ZNF554: variants seen among roughly 807,000 people sequenced by gnomAD.
The protein encoded by ZNF554 is zinc finger protein 554.
In ZNF554, 15 loss-of-function variants were observed where a neutral mutation model predicts 21.2. The ratio of observed to expected loss-of-function variants is 0.71; its 90% CI spans 0.47 to 1.09. The LOEUF is 1.09. Ranked by LOEUF, ZNF554 falls within the 50% of genes least tolerant of loss-of-function variation. The pLI, the probability that ZNF554 is intolerant of heterozygous loss-of-function variation, is 0.00. For synonymous variants in ZNF554, 258 were observed against 251.4 expected (o/e 1.03, Z -0.25); for missense variants, 691 against 662.7 (o/e 1.04, Z -0.47).
Position 2,821,372 on chromosome 19 carries a change from G to A in ZNF554, c.53+1248G>A, listed in dbSNP as rs982810685. 2.0e-5 allele frequency among the ~76,000 whole-genome samples: 3 copies of A among 151,900 alleles called. No individual in the cohort carries two copies. The highest frequency in any genetic ancestry group is 6.5e-5 in the Admixed American group (1 of 15,278). On this transcript the variant is annotated intron_variant, in intron 1 of 4. Transcript: ENST00000317243. The surrounding 1 kb of genome is among the most constrained non-coding windows in gnomAD (Gnocchi z 8.2). ...TCCCAAAGTGACCACTGCGCCCGGC[G>A]CCTTTGGTTCTTACATGAGCCTCCT...
chr19:2,834,138 T>G lies in ZNF554; in HGVS notation c.903T>G (p.Asn301Lys), dbSNP rs780273939. The change falls in exon 5 of 5, where the codon AAT becomes AAG. Residue 301 changes from asparagine (N) to lysine (K), a missense_variant. Transcript: ENST00000317243. ...HGGKMFVYLE[N>K]GQSLNHGMAL... ...GGAAGATGTTTGTGTATTTGGAAAA[T>G]GGGCAGTCATTGAACCACGGTATGG... 1.9e-5 allele frequency: 31 copies of G among 1,613,886 alleles called. 1 individual carries two copies. The Admixed American group carries it at 5.2e-4, about 27-fold the overall frequency.
rs900434731 is a variant in ZNF554 at position 2,821,120 on chromosome 19, C to T, written c.53+996C>T. ...TCTTTTTTTTTTCTTGAGACAGTCT[C>T]GCCCTATTGCCCAGGCTGGAGTGCA... is the stretch of plus-strand genomic sequence containing the variant. On this transcript the variant is annotated intron_variant, in intron 1 of 4. Transcript: ENST00000317243. The surrounding 1 kb of genome is among the most constrained non-coding windows in gnomAD (Gnocchi z 8.2). Among the ~76,000 whole-genome samples, 5 of 151,232 alleles carry T rather than the reference C, an allele frequency of 3.3e-5. No individual in the cohort carries two copies. In the South Asian group the frequency reaches 8.3e-4, roughly 25 times the overall value.
intron 2 of ZNF554, 100 bp from the exon 3 acceptor site, chr19:2,827,517 G>A: frequency 6.8e-7 from 1 of 1,465,200 alleles, no homozygotes; most frequent in Non-Finnish European, 9.2e-7. Context: ...TTTGCACCTT[G>A]ACCTTTCTCA....
chr19:2,835,689 G>A lies in ZNF554; in HGVS notation c.*837G>A, dbSNP rs1227460926. On this transcript the variant is annotated 3_prime_UTR_variant, in exon 5 of 5. Coordinates refer to ENST00000317243, the MANE Select transcript of ZNF554 (RefSeq NM_001102651.2). ...ACTTTCGGAAAAGATTGGTGGACGG[G>A]AATGCTGTCATGGATGGGATCTTGC... is the stretch of plus-strand genomic sequence containing the variant. The A allele has an allele frequency of 6.6e-6, 1 of 152,194 alleles. No individual in the cohort carries two copies. Among genetic ancestry groups the A allele is most frequent in the Non-Finnish European group, 1.5e-5 (1 of 68,028 alleles). The allele number at this position is 152,194 out of a possible 1,614,324, so 9.4% of individuals were successfully genotyped here.
chr19:2,825,931 A>T (rs1291751470), intron 2 of ZNF554, among the ~76,000 whole-genome samples: 1 of 150,766 alleles, frequency 6.6e-6, no homozygotes, highest in East Asian at 2.0e-4. Flanking sequence ...ATGGAGTTTC[A>T]CTCTTGTTGC....
Position 2,832,316 on chromosome 19 carries a change from C to G in ZNF554, c.267C>G (p.Asn89Lys), listed in dbSNP as rs2087431803. ...RNVVSLEALK[N>K]QCTDVGIKEG... Reference sequence around the variant, plus strand: ...TGTCTTTTTCAGAAGCCTTGAAGAACCAATGTACTGATGTGGGGATTAAAG... The same window carrying G: ...TGTCTTTTTCAGAAGCCTTGAAGAAGCAATGTACTGATGTGGGGATTAAAG... The change falls in exon 4 of 5, where the codon AAC becomes AAG. Residue 89 changes from asparagine to lysine, a missense_variant. Coordinates refer to ENST00000317243, the MANE Select transcript of ZNF554 (RefSeq NM_001102651.2). 6.3e-7 allele frequency: 1 copy of G among 1,597,108 alleles called. No homozygotes were observed. Among genetic ancestry groups the G allele is most frequent in the Admixed American group, 1.8e-5 (1 of 54,730 alleles).
intron 3 of ZNF554, among the ~76,000 whole-genome samples, chr19:2,830,277 T>C (rs1196508905): frequency 1.3e-5 from 2 of 152,184 alleles, no homozygotes; most frequent in East Asian, 3.9e-4. Flanking sequence ...TGGCCTTTTG[T>C]GTCTGGCTGA....
chr19:2,829,420 G>A (rs573768935), intron 3 of ZNF554, among the ~76,000 whole-genome samples: 275 of 151,796 alleles, frequency 1.8e-3, no homozygotes, highest in Middle Eastern at 6.8e-3. Flanking sequence ...AGGCCAAGGC[G>A]GGGTAGATCA....
At chr19:2,826,626 C>A (rs1407703376) in intron 2 of ZNF554, among the ~76,000 whole-genome samples, 1 of 151,778 alleles carries the variant, frequency 6.6e-6, no homozygotes, top group Non-Finnish European at 1.5e-5. Context: ...AAGCTTTTGC[C>A]ATATTTCAGT....
intron 3 of ZNF554, chr19:2,832,059 G>A (rs2087427524): frequency 1.5e-5 from 4 of 267,870 alleles, no homozygotes; most frequent in Admixed American, 5.0e-5. Context: ...CTGAGTAACT[G>A]GGGTTACAGG....
In ZNF554 at chr19:2,821,087, TTTC is replaced by T. The variant is rs376828327; in HGVS notation, c.53+972_53+974del. Among the ~76,000 whole-genome samples, 32 of 151,602 alleles carry T rather than the reference TTTC, an allele frequency of 2.1e-4. No homozygotes were observed. The highest frequency in any genetic ancestry group is 3.4e-3 in the Middle Eastern group (1 of 294). On this transcript the variant is annotated intron_variant, in intron 1 of 4. Coordinates refer to ENST00000317243, the MANE Select transcript of ZNF554 (RefSeq NM_001102651.2). The surrounding 1 kb of genome is among the most constrained non-coding windows in gnomAD (Gnocchi z 8.2). Reference sequence around the variant, plus strand: ...CCCTACCCAAACAGGTTGGTTTCTTTTTCTTCTTCTTTTTTTTTTCTTGAGACA... The same window carrying T: ...CCCTACCCAAACAGGTTGGTTTCTTTTTCTTCTTTTTTTTTTCTTGAGACA...
chr19:2,819,970 C>T lies in ZNF554; in HGVS notation c.-102C>T. On this transcript the variant is annotated 5_prime_UTR_variant, in exon 1 of 5. Coordinates refer to ENST00000317243, the MANE Select transcript of ZNF554 (RefSeq NM_001102651.2). Reference sequence around the variant, plus strand: ...GCGTCCGCTCCGAGCGCCGAGGAGCCGAGCGGAGGAGGCGTCCCAGGGACA... The same window carrying T: ...GCGTCCGCTCCGAGCGCCGAGGAGCTGAGCGGAGGAGGCGTCCCAGGGACA... The T allele has an allele frequency of 1.0e-6, 1 of 958,178 alleles. No individual in the cohort carries two copies. Among genetic ancestry groups the T allele is most frequent in the Non-Finnish European group, 1.3e-6 (1 of 752,742 alleles). The allele number at this position is 958,178 out of a possible 1,614,324, so 59.4% of individuals were successfully genotyped here.
At position 2,834,457 on chromosome 19, in the gene ZNF554, T is replaced by C; in HGVS notation, c.1222T>C (p.Tyr408His). 1 of 1,614,016 alleles carries C rather than the reference T, an allele frequency of 6.2e-7. No homozygotes were observed. Among genetic ancestry groups the C allele is most frequent in the South Asian group, 1.1e-5 (1 of 91,078 alleles). The change falls in exon 5 of 5, where the codon TAT (tyrosine) becomes CAT (histidine). Residue 408 changes from tyrosine to histidine, a missense_variant. Coordinates refer to ENST00000317243, the MANE Select transcript of ZNF554 (RefSeq NM_001102651.2). ...HQRIHTGEKP[Y>H]KCEDCGKSFC... Reference sequence around the variant, plus strand: ...GAGGATTCACACCGGGGAAAAGCCCTATAAATGTGAAGACTGTGGGAAATC... The same window carrying C: ...GAGGATTCACACCGGGGAAAAGCCCCATAAATGTGAAGACTGTGGGAAATC...
rs2144824505 is a variant in ZNF554 at position 2,833,682 on chromosome 19, T to C, written c.447T>C (p.Asp149=). The C allele has an allele frequency of 2.0e-6, 3 of 1,514,886 alleles. No homozygotes were observed. Among genetic ancestry groups the C allele is most frequent in the Non-Finnish European group, 2.6e-6 (3 of 1,132,252 alleles). 93.8% of individuals were successfully genotyped at this position (1,514,886 alleles called of 1,614,324 possible). A position where few individuals can be genotyped will look rare whatever the true frequency, so the allele number is the denominator to read the frequency against. The change falls in exon 5 of 5, where the codon GAT becomes GAC. Residue 149 remains aspartate (D), a splice_region_variant and synonymous_variant. Coordinates refer to ENST00000317243, the MANE Select transcript of ZNF554 (RefSeq NM_001102651.2). The part of the protein sequence containing the change: ...EKGTPQASCS[D]WMTVLRNQDS... Reference sequence around the variant, plus strand: ...GGTTTCCGCCTCAATTTATTTCAGATTGGATGACTGTACTAAGAAACCAAG... The same window carrying C: ...GGTTTCCGCCTCAATTTATTTCAGACTGGATGACTGTACTAAGAAACCAAG...
rs564720005 is a variant in ZNF554, at chr19:2,833,858, T to C, written c.623T>C (p.Val208Ala). The change falls in exon 5 of 5, where the codon GTA becomes GCA. Residue 208 changes from valine (V) to alanine (A), a missense_variant. Transcript: ENST00000317243. The stretch of plus-strand genomic sequence containing the variant: ...TTGAGCCAAAAGGCATCCCTTCACG[T>C]AGTGGCCGTTCCTCAGGAGAAGGCT... The part of the protein sequence containing the change: ...GLLSQKASLH[V>A]VAVPQEKATA... 1 of 1,613,218 alleles carries C rather than the reference T, an allele frequency of 6.2e-7. No homozygotes were observed.
rs2087354833 is a variant in ZNF554 at position 2,827,729 on chromosome 19, A to G, written c.239A>G (p.Asn80Ser). 1 of 1,613,934 alleles carries G rather than the reference A, an allele frequency of 6.2e-7. No homozygotes were observed. Among genetic ancestry groups the G allele is most frequent in the Admixed American group, 1.7e-5 (1 of 59,954 alleles). ...GAGGTGATGCTGGAGAACTACAGGA[A>G]CGTGGTCTCCCTGGGTAAGGCAAGC... ...YREVMLENYRNVVSLEALKNQ... is the reference protein window; with the variant it reads ...YREVMLENYRSVVSLEALKNQ... The change falls in exon 3 of 5, where the codon AAC becomes AGC. Residue 80 changes from asparagine (N) to serine (S), a missense_variant. Coordinates refer to ENST00000317243, the MANE Select transcript of ZNF554 (RefSeq NM_001102651.2).
intron 2 of ZNF554, among the ~76,000 whole-genome samples, chr19:2,825,201 C>T (rs1160883251): frequency 2.0e-5 from 3 of 152,014 alleles, no homozygotes; most frequent in African/African-American, 4.8e-5. Flanking sequence ...TTAGTAGAGA[C>T]GGGGTTTCAC....
At chr19:2,828,959 G>C (rs993621648) in intron 3 of ZNF554, among the ~76,000 whole-genome samples, 8 of 152,074 alleles carry the variant, frequency 5.3e-5, no homozygotes, top group Admixed American at 2.0e-4. Flanking sequence ...ATTACAATTC[G>C]AGGTGAGATT....
At position 2,821,522 on chromosome 19, in the gene ZNF554, C is replaced by T. The variant is rs1292889551; in HGVS notation, c.53+1398C>T. 6.6e-6 allele frequency among the ~76,000 whole-genome samples: 1 copy of T among 151,912 alleles called. No homozygotes were observed. The highest frequency in any genetic ancestry group is 1.5e-5 in the Non-Finnish European group (1 of 68,028). On this transcript the variant is annotated intron_variant, in intron 1 of 4. Coordinates refer to ENST00000317243, the MANE Select transcript of ZNF554 (RefSeq NM_001102651.2). The surrounding 1 kb of genome is among the most constrained non-coding windows in gnomAD (Gnocchi z 8.2). Reference sequence around the variant, plus strand: ...GGTGGGGCCGTGGTGCTTCTGAAGGCTCTGGCGGGAGGATCTTCTCTGTCT... The same window carrying T: ...GGTGGGGCCGTGGTGCTTCTGAAGGTTCTGGCGGGAGGATCTTCTCTGTCT...
Sources: gnomAD v4.1 joint callset for allele counts (sites outside exome capture counted in the v4.1 genomes callset) on GRCh38, gnomAD v4.1.1 for gene constraint, Gnocchi (gnomAD v3.1) non-coding constraint, MANE v1.5 for transcripts, NCBI Gene and HGNC (gene_info 2026-07-23, HGNC 2026-07-21) for gene names.